The following PTPRT variants were observed in gnomAD, a reference collection of about 807,000 sequenced individuals.
The protein encoded by PTPRT is receptor-type tyrosine-protein phosphatase T.
PTPRT carries 56 observed loss-of-function variants against 176.8 expected under a neutral mutation model. The observed-to-expected ratio is 0.32, with a 90% confidence interval of 0.26 to 0.40. PTPRT has a LOEUF of 0.40. PTPRT is among the 10% of genes least tolerant of loss of function. The pLI, the probability that PTPRT is intolerant of heterozygous loss-of-function variation, is 1.00. For missense variants in PTPRT, 1,540 were observed against 1,908.2 expected, an observed-to-expected ratio of 0.81 and a Z score of 3.60; for synonymous variants, 783 against 739.0, an observed-to-expected ratio of 1.06 and a Z score of -0.96.
chr20:42,583,873 C>T (rs530808959), intron 7 of PTPRT, among the ~76,000 whole-genome samples: 3 of 152,306 alleles, frequency 2.0e-5, no homozygotes, highest in African/African-American at 7.2e-5. Flanking sequence ...TTCTTTCTCT[C>T]TTACTCCATG....
chr20:42,524,052 T>G (rs916965285), intron 7 of PTPRT, among the ~76,000 whole-genome samples: 1 of 152,146 alleles, frequency 6.6e-6, no homozygotes, highest in Non-Finnish European at 1.5e-5. Flanking sequence ...AATACATCAC[T>G]TCCACAGCAA....
intron 6 of PTPRT, among the ~76,000 whole-genome samples, chr20:42,748,967 C>A (rs1021474315): frequency 8.5e-5 from 13 of 152,146 alleles, no homozygotes; most frequent in African/African-American, 3.1e-4. Context: ...CAAATAAGCA[C>A]CTTGCACTCG....
At chr20:42,116,243 T>C in intron 21 of PTPRT, 1 of 609,146 alleles carries the variant, frequency 1.6e-6, no homozygotes, top group South Asian at 2.0e-5. Flanking sequence ...ATGCTAGTGC[T>C]AATGTGTTTT....
chr20:42,186,805 G>C (rs532749540), intron 16 of PTPRT, among the ~76,000 whole-genome samples: 3 of 152,072 alleles, frequency 2.0e-5, no homozygotes, highest in Non-Finnish European at 4.4e-5. Flanking sequence ...GGTAAGAGAT[G>C]ATGATGACTT....
intron 2 of PTPRT, among the ~76,000 whole-genome samples, chr20:42,879,742 TGTGTGTGTGTGTGTGCGC>T (rs986732933): frequency 2.6e-4 from 39 of 151,536 alleles, no homozygotes; most frequent in East Asian, 1.9e-3. Flanking sequence ...AATGTGTGTG[TGTGTGTGTGTGTGTGCGC>T]GTGTGTGTGT....
At chr20:42,691,218 G>T (rs1482135528) in intron 6 of PTPRT, among the ~76,000 whole-genome samples, 1 of 152,226 alleles carries the variant, frequency 6.6e-6, no homozygotes, top group Non-Finnish European at 1.5e-5. Context: ...TGCCATAGCA[G>T]AACAAATATG....
intron 9 of PTPRT, among the ~76,000 whole-genome samples, chr20:42,354,666 A>C (rs1039153754): frequency 6.6e-6 from 1 of 152,192 alleles, no homozygotes; most frequent in African/African-American, 2.4e-5. Context: ...GAGAGAGGTA[A>C]GCCAGCTATA....
At chr20:42,959,859 G>A (rs1354389301) in intron 1 of PTPRT, among the ~76,000 whole-genome samples, 1 of 152,168 alleles carries the variant, frequency 6.6e-6, no homozygotes, top group Admixed American at 6.5e-5. Context: ...AACAAGGACA[G>A]GAGACACAGA....
intron 1 of PTPRT, among the ~76,000 whole-genome samples, chr20:43,104,106 C>T (rs1033959416): frequency 6.6e-6 from 1 of 152,132 alleles, no homozygotes; most frequent in Non-Finnish European, 1.5e-5. Flanking sequence ...TCATTACTTC[C>T]AAGTAAATTC....
chr20:42,273,664 A>G (rs2056978493), intron 13 of PTPRT, among the ~76,000 whole-genome samples: 1 of 152,234 alleles, frequency 6.6e-6, no homozygotes, highest in Non-Finnish European at 1.5e-5. Context: ...ATCAATACTA[A>G]GTTGTACTCA....
intron 9 of PTPRT, among the ~76,000 whole-genome samples, chr20:42,397,037 A>G (rs1340410089): frequency 1.3e-5 from 2 of 152,050 alleles, no homozygotes; most frequent in East Asian, 1.9e-4. Context: ...TTTTTACCTG[A>G]CAGCATTATT....
intron 1 of PTPRT, among the ~76,000 whole-genome samples, chr20:42,909,462 T>A (rs1164916011): frequency 6.6e-6 from 1 of 152,238 alleles, no homozygotes; most frequent in Non-Finnish European, 1.5e-5. Flanking sequence ...AATATACAAC[T>A]ATCTGAACAT....
chr20:43,031,826 T>C (rs1986149932), intron 1 of PTPRT, among the ~76,000 whole-genome samples: 2 of 152,208 alleles, frequency 1.3e-5, no homozygotes, highest in Admixed American at 1.3e-4. Context: ...TTTCATGGGT[T>C]CTCAAAAACA....
intron 16 of PTPRT, among the ~76,000 whole-genome samples, chr20:42,195,593 G>A (rs1311912694): frequency 6.6e-6 from 1 of 152,256 alleles, no homozygotes; most frequent in East Asian, 1.9e-4. Flanking sequence ...GCCTGAGGAC[G>A]TCAGATGCAT....
At chr20:42,478,169 C>G (rs1027700500) in intron 7 of PTPRT, among the ~76,000 whole-genome samples, 3 of 152,316 alleles carry the variant, frequency 2.0e-5, no homozygotes, top group Admixed American at 6.5e-5. Context: ...TGTGCACACA[C>G]ATATGTGGGG....
intron 2 of PTPRT, among the ~76,000 whole-genome samples, chr20:42,869,292 G>C (rs933735313): frequency 1.3e-5 from 2 of 152,120 alleles, no homozygotes; most frequent in African/African-American, 4.8e-5. Flanking sequence ...AAGCCTGGGA[G>C]AGAGACAGGC....
chr20:42,149,035 C>T (rs1989006269), intron 17 of PTPRT, among the ~76,000 whole-genome samples: 1 of 152,200 alleles, frequency 6.6e-6, no homozygotes. Context: ...AAATGTCCCA[C>T]AGGAATGCAC....
At chr20:42,190,740 C>T (rs1456659743) in intron 16 of PTPRT, among the ~76,000 whole-genome samples, 2 of 152,162 alleles carry the variant, frequency 1.3e-5, no homozygotes, top group Admixed American at 6.5e-5. Flanking sequence ...GCTTCAAGAA[C>T]CACTGCTTTG....
At chr20:42,810,785 T>C (rs2077687054) in intron 2 of PTPRT, among the ~76,000 whole-genome samples, 1 of 152,272 alleles carries the variant, frequency 6.6e-6, no homozygotes, top group African/African-American at 2.4e-5. Flanking sequence ...TTCCACATGG[T>C]GGAAAAACTA....
Sources: gnomAD v4.1 joint callset for allele counts (sites outside exome capture counted in the v4.1 genomes callset) on GRCh38, gnomAD v4.1.1 for gene constraint, MANE v1.5 for transcripts, NCBI Gene and HGNC (gene_info 2026-07-23, HGNC 2026-07-21) for gene names.